Variants in NBPF11 observed in about 807,000 individuals in gnomAD.
NBPF11 encodes NBPF member 11.
A neutral mutation model predicts 93.9 loss-of-function variants in NBPF11; 72 were observed. The ratio of observed to expected loss-of-function variants is 0.77; its 90% CI spans 0.63 to 0.93. The LOEUF is 0.93. Ranked by LOEUF, NBPF11 falls within the 40% of genes least tolerant of loss-of-function variation. The probability of loss-of-function intolerance (pLI) is 0.00; values close to 1 mark genes in which losing one functional copy is unlikely to be tolerated. For synonymous variants in NBPF11, 224 were observed against 304.9 expected, an observed-to-expected ratio of 0.73 and a Z score of 2.76; for missense variants, 705 against 802.2, an observed-to-expected ratio of 0.88 and a Z score of 1.46.
chr1:148,136,780 G>T (rs1323329905), intron 3 of NBPF11, among the ~76,000 whole-genome samples: 2 of 151,838 alleles, frequency 1.3e-5, no homozygotes, highest in Admixed American at 1.3e-4. Context: ...TAAGCTGTTT[G>T]TTCAGTTTCA....
intron 12 of NBPF11, among the ~76,000 whole-genome samples, chr1:148,117,166 A>C (rs1666767847): frequency 6.6e-6 from 1 of 151,810 alleles, no homozygotes; most frequent in Admixed American, 6.6e-5. Flanking sequence ...TCTGCCATGG[A>C]GAGAGAGAAA....
At chr1:148,149,179 C>T in intron 1 of NBPF11, 6 of 1,589,024 alleles carry the variant, frequency 3.8e-6, no homozygotes, top group Admixed American at 1.7e-5. Flanking sequence ...TCAGCCCGGA[C>T]AGCATCATCC....
At chr1:148,121,753 CACCTAA>C (rs1254993095) in intron 9 of NBPF11, among the ~76,000 whole-genome samples, 5 of 151,990 alleles carry the variant, frequency 3.3e-5, no homozygotes, top group Non-Finnish European at 5.9e-5. Flanking sequence ...CCCATCCTCC[CACCTAA>C]GTCTCCTGAG....
intron 12 of NBPF11, among the ~76,000 whole-genome samples, chr1:148,117,332 C>T (rs1571433975): frequency 1.3e-5 from 2 of 150,130 alleles, no homozygotes; most frequent in South Asian, 2.1e-4. Context: ...TAGACAGATG[C>T]TGCCTCTTAC....
intron 8 of NBPF11, 46 bp from the exon 9 acceptor site, chr1:148,122,312 G>T: frequency 6.2e-7 from 1 of 1,610,364 alleles, no homozygotes. Flanking sequence ...TAAACACAGA[G>T]GGATTGGACC....
intron 17 of NBPF11, among the ~76,000 whole-genome samples, chr1:148,109,008 A>T (rs1182044109): frequency 1.9e-3 from 260 of 139,350 alleles, no homozygotes; most frequent in Admixed American, 5.0e-3. Flanking sequence ...GGCCTCAATA[A>T]TTTTGCATAA....
chr1:148,127,858 G>C lies in NBPF11; in HGVS notation c.-35-820C>G, dbSNP rs1444665636. 2.8e-3 allele frequency among the ~76,000 whole-genome samples: 418 copies of C among 149,804 alleles called. 1 individual carries two copies. Among genetic ancestry groups the C allele is most frequent in the African/African-American group, 9.5e-3 (385 of 40,586 alleles). The stretch of plus-strand genomic sequence containing the variant: ...TTTTTAGTAGAGACGGGGTTTCACT[G>C]TGTTAGCCAGGATGGTCTCGATCTC... On this transcript the variant is annotated intron_variant, in intron 4 of 23. Transcript: ENST00000682118.
chr1:148,122,489 A>G lies in NBPF11; in HGVS notation c.567-223T>C, dbSNP rs1450728928. On this transcript the variant is annotated intron_variant, in intron 8 of 23. Transcript: ENST00000682118. Reference sequence around the variant, plus strand: ...GAGCAGCTGGTGTTCAGTGCACTGGACAGATAGGAGCTGAAGAGGATGAAG... The same window carrying G: ...GAGCAGCTGGTGTTCAGTGCACTGGGCAGATAGGAGCTGAAGAGGATGAAG... Among the ~76,000 whole-genome samples, 87 of 152,200 alleles carry G rather than the reference A, an allele frequency of 5.7e-4. 1 individual carries two copies. In the East Asian group the frequency reaches 0.015, roughly 26 times the overall value.
chr1:148,120,732 A>G (rs1667628216), intron 9 of NBPF11, 22 bp from the exon 10 acceptor site: 5 of 1,459,116 alleles, frequency 3.4e-6, no homozygotes, highest in Admixed American at 1.7e-5. Flanking sequence ...AAAGGCAAAC[A>G]TATGATGGGT....
At chr1:148,146,125 C>T (rs1383102502) in intron 1 of NBPF11, among the ~76,000 whole-genome samples, 14 of 151,784 alleles carry the variant, frequency 9.2e-5, no homozygotes, top group Non-Finnish European at 1.3e-4. Flanking sequence ...CCATGGAGCG[C>T]GGCCCTGGGG....
rs1438667526 is a variant in NBPF11, at chr1:148,149,372, G to C, written c.-549+2378C>G. On this transcript the variant is annotated intron_variant, in intron 1 of 23. Coordinates refer to ENST00000682118, the MANE Select transcript of NBPF11 (RefSeq NM_001385469.3). ...GAAGGTGTCCAAGATCACGTCTCCC[G>C]TGCTCATCATCCACGGCAGGGAGGA... 4 of 1,595,426 alleles carry C rather than the reference G, an allele frequency of 2.5e-6. No individual in the cohort carries two copies. The African/African-American group carries it at 4.0e-5, about 16-fold the overall frequency.
chr1:148,108,654 C>A lies in NBPF11; in HGVS notation c.1854G>T (p.Arg618Ser). The change falls in exon 18 of 24, where the codon AGG becomes AGT. Residue 618 changes from arginine to serine, a missense_variant and splice_region_variant. Around this residue, in one of 12 missense-constraint regions of NBPF11, gnomAD observed 97 missense variants for 65.0 expected, o/e 1.49. Coordinates refer to ENST00000682118, the MANE Select transcript of NBPF11 (RefSeq NM_001385469.3). ...TCTCATCCAGCAGCTCCCTGCTGAG[C>A]CTGGAAAAGTGGGAAAAAGTAAAGA... ...KKEDQEATGP[R>S]LSRELLDEKE... 7 of 1,048,932 alleles carry A rather than the reference C, an allele frequency of 6.7e-6. No individual in the cohort carries two copies. The highest frequency in any genetic ancestry group is 1.0e-5 in the Non-Finnish European group (7 of 667,230). 65.0% of individuals were successfully genotyped at this position (1,048,932 alleles called of 1,614,324 possible).
At chr1:148,115,669 A>T in intron 14 of NBPF11, 124 bp downstream of exon 14, 1 of 1,245,586 alleles carries the variant, frequency 8.0e-7, no homozygotes, top group Non-Finnish European at 1.1e-6. Flanking sequence ...AAACTCCCTG[A>T]TATCTGTTTA....
At chr1:148,114,216 T>G (rs1290257097) in intron 15 of NBPF11, among the ~76,000 whole-genome samples, 1 of 150,416 alleles carries the variant, frequency 6.6e-6, no homozygotes, top group Non-Finnish European at 1.5e-5. Flanking sequence ...CCTGTTTGGC[T>G]AGTTCACCTG....
chr1:148,122,597 T>G, intron 8 of NBPF11, 132 bp downstream of exon 8: 1 of 1,332,206 alleles, frequency 7.5e-7, no homozygotes, highest in Non-Finnish European at 1.1e-6. Context: ...GTGTCTAAGC[T>G]GGGTTGAATT....
intron 8 of NBPF11, 45 bp downstream of exon 8, chr1:148,122,684 T>A: frequency 6.2e-7 from 1 of 1,604,644 alleles, no homozygotes; most frequent in Non-Finnish European, 8.5e-7. Flanking sequence ...CTAGACATTT[T>A]CATATGTTAC....
At chr1:148,138,737 G>A (rs1671733673) in intron 2 of NBPF11, among the ~76,000 whole-genome samples, 1 of 151,534 alleles carries the variant, frequency 6.6e-6, no homozygotes, top group Non-Finnish European at 1.5e-5. Flanking sequence ...GAACAAAATG[G>A]AGTCTCTTAT....
At chr1:148,124,706 T>G (rs1177652601) in intron 6 of NBPF11, among the ~76,000 whole-genome samples, 193 bp downstream of exon 6, 1 of 152,092 alleles carries the variant, frequency 6.6e-6, no homozygotes, top group East Asian at 1.9e-4. Context: ...AAAACAAGGC[T>G]CTAAGAAACA....
rs1341540324 is a variant in NBPF11, at chr1:148,105,366, C to T, written c.2466G>A (p.Thr822=). 52 of 827,068 alleles carry T rather than the reference C, an allele frequency of 6.3e-5. No individual in the cohort carries two copies. Among genetic ancestry groups the T allele is most frequent in the Middle Eastern group, 3.4e-4 (1 of 2,902 alleles). 51.2% of individuals were successfully genotyped at this position (827,068 alleles called of 1,614,324 possible). A position where few individuals can be genotyped will look rare whatever the true frequency, so the allele number is the denominator to read the frequency against. The part of the protein sequence containing the change: ...WRKNMLAFLL[T]WEKLKRRGRG... ...TTCATAGAAAGGTACTCACCTCCCA[C>T]GTCAAGAGAAAAGCCAACATGTTTT... Residue 822 remains threonine (T), a synonymous_variant, in exon 22 of 24, where the codon ACG becomes ACA. Transcript: ENST00000682118.
Sources: gnomAD v4.1 joint callset for allele counts (sites outside exome capture counted in the v4.1 genomes callset) on GRCh38, gnomAD v4.1.1 for gene constraint, gnomAD v4.1.1 regional missense constraint, MANE v1.5 for transcripts, NCBI Gene and HGNC (gene_info 2026-07-23, HGNC 2026-07-21) for gene names.